Variants in SPICE1 observed in about 807,000 individuals in gnomAD.
SPICE1 encodes spindle and centriole-associated protein 1.
Under a neutral mutation model 102.7 loss-of-function variants are expected in SPICE1, and 75 were observed. The observed-to-expected ratio is 0.73, with a 90% confidence interval of 0.61 to 0.88. The LOEUF (loss-of-function observed/expected upper bound fraction) is 0.88. SPICE1 is among the 40% of genes least tolerant of loss of function. SPICE1 has a pLI of 0.00. For missense variants in SPICE1, 979 were observed against 1,020.1 expected (o/e 0.96, Z 0.55); for synonymous variants, 308 against 350.3 (o/e 0.88, Z 1.35).
At chr3:113,489,100 T>G (rs1936710220) in intron 6 of SPICE1, 37 bp from the exon 7 acceptor site, 2 of 1,312,744 alleles carry the variant, frequency 1.5e-6, no homozygotes, top group Non-Finnish European at 2.2e-6. Flanking sequence ...CACAAGTTGA[T>G]TATATATATA....
chr3:113,450,669 C>T (rs1001423435), intron 14 of SPICE1, among the ~76,000 whole-genome samples, 153 bp from the exon 15 acceptor site: 13 of 151,726 alleles, frequency 8.6e-5, no homozygotes, highest in South Asian at 6.2e-4. Context: ...ATCTGCCTCC[C>T]GGGTTCACGC....
chr3:113,461,884 T>TTTCCCAAATTTC (rs1465179560), intron 11 of SPICE1, among the ~76,000 whole-genome samples: 1 of 152,128 alleles, frequency 6.6e-6, no homozygotes, highest in Admixed American at 6.6e-5. Flanking sequence ...GCCCAAATTT[T>TTTCCCAAATTTC]TTCCCAAATT....
intron 11 of SPICE1, among the ~76,000 whole-genome samples, chr3:113,464,598 C>T (rs1936008978): frequency 6.6e-6 from 1 of 152,066 alleles, no homozygotes; most frequent in South Asian, 2.1e-4. Context: ...CATCTAATGT[C>T]CATTAACACA....
Position 113,453,682 on chromosome 3 carries a change from T to C in SPICE1, c.1926A>G (p.Thr642=). 6.2e-7 allele frequency: 1 copy of C among 1,614,164 alleles called. No individual in the cohort carries two copies. ...CCAGTACTGGGAGCTCTTCTGAGAA[T>C]GTGGGGCTTCTTGACTGTTGAGTGT... ...HSNTQQSRSP[T]FSEELPVLGD... Residue 642 remains threonine, a synonymous_variant, in exon 14 of 18, where the codon ACA becomes ACG. Transcript: ENST00000295872.
chr3:113,500,565 C>G (rs1239278434), intron 3 of SPICE1, among the ~76,000 whole-genome samples: 1 of 150,450 alleles, frequency 6.6e-6, no homozygotes, highest in African/African-American at 2.4e-5. Flanking sequence ...AATATGTAAG[C>G]ACAAAATGAT....
rs768232296 is a variant in SPICE1 at position 113,468,892 on chromosome 3, C to T, written c.759G>A (p.Leu253=). The T allele has an allele frequency of 1.2e-6, 2 of 1,608,266 alleles. No individual in the cohort carries two copies. The highest frequency in any genetic ancestry group is 2.7e-5 in the African/African-American group (2 of 74,522). ...GTCTCTTGACAGCATTGGTAGCATT[C>T]AGAGCAGCTAAAAGGAAGAACATTT... ...ALSSGEQRAA[L]NATNAVKRLQ... is the part of the protein sequence containing the mutation. Residue 253 remains leucine (L), a synonymous_variant, in exon 9 of 18, where the codon CTG becomes CTA. Transcript: ENST00000295872.
intron 7 of SPICE1, among the ~76,000 whole-genome samples, chr3:113,485,879 G>A (rs1936634658): frequency 6.6e-6 from 1 of 152,108 alleles, no homozygotes; most frequent in Admixed American, 6.6e-5. Context: ...ATTATCCTCA[G>A]CAAACCAACA....
intron 7 of SPICE1, among the ~76,000 whole-genome samples, chr3:113,482,704 T>C (rs993267501): frequency 6.6e-6 from 1 of 152,218 alleles, no homozygotes; most frequent in Non-Finnish European, 1.5e-5. Flanking sequence ...TTGTCAAAGG[T>C]CAGATGGTTG....
chr3:113,457,722 G>A (rs958239420), intron 12 of SPICE1, among the ~76,000 whole-genome samples: 4 of 152,040 alleles, frequency 2.6e-5, no homozygotes, highest in Admixed American at 6.6e-5. Flanking sequence ...GCAGTGGAGC[G>A]ATCTTGGCTC....
chr3:113,458,170 CCG>C (rs1232368942), intron 12 of SPICE1, among the ~76,000 whole-genome samples: 3 of 96 alleles, frequency 0.031, no homozygotes, highest in African/African-American at 0.094. Context: ...GCTCCCTCTC[CCG>C]TCTCCCTCTC....
chr3:113,452,396 A>G (rs1935674853), intron 14 of SPICE1, among the ~76,000 whole-genome samples: 1 of 152,216 alleles, frequency 6.6e-6, no homozygotes, highest in Non-Finnish European at 1.5e-5. Flanking sequence ...TTAAAACATT[A>G]TTTCTGGCCA....
intron 7 of SPICE1, among the ~76,000 whole-genome samples, chr3:113,482,550 G>T (rs577972123): frequency 6.6e-6 from 1 of 152,110 alleles, no homozygotes; most frequent in East Asian, 1.9e-4. Flanking sequence ...CAGGTCTTAC[G>T]TTTAACTCTT....
intron 7 of SPICE1, among the ~76,000 whole-genome samples, chr3:113,478,757 A>G (rs1337420027): frequency 6.6e-6 from 1 of 152,138 alleles, no homozygotes; most frequent in Non-Finnish European, 1.5e-5. Context: ...ATCTATGGAT[A>G]TATCTTTAGA....
chr3:113,460,476 G>A (rs1935905577), intron 12 of SPICE1, 141 bp downstream of exon 12: 1 of 1,395,262 alleles, frequency 7.2e-7, no homozygotes, highest in African/African-American at 1.5e-5. Flanking sequence ...TGGAAAAGTA[G>A]TGGCAACTGT....
intron 12 of SPICE1, among the ~76,000 whole-genome samples, chr3:113,458,708 G>A (rs1314303308): frequency 6.6e-6 from 1 of 151,502 alleles, no homozygotes; most frequent in African/African-American, 2.4e-5. Context: ...CTGCCCGGCC[G>A]CCCAGTCTGG....
chr3:113,471,075 G>C (rs969005094), intron 7 of SPICE1, among the ~76,000 whole-genome samples: 1 of 152,150 alleles, frequency 6.6e-6, no homozygotes, highest in African/African-American at 2.4e-5. Context: ...AACTTGAAAT[G>C]AAGCTGAAAA....
chr3:113,452,653 C>T (rs1047608496), intron 14 of SPICE1, among the ~76,000 whole-genome samples: 2 of 151,184 alleles, frequency 1.3e-5, no homozygotes, highest in Admixed American at 1.3e-4. Context: ...CACTGCGCTC[C>T]AGCCTGAGCA....
chr3:113,445,253 G>A lies in SPICE1; in HGVS notation c.*54C>T, dbSNP rs918911043. The A allele has an allele frequency of 5.5e-6, 8 of 1,449,236 alleles. No homozygotes were observed. Among genetic ancestry groups the A allele is most frequent in the Non-Finnish European group, 6.7e-6 (7 of 1,040,090 alleles). 89.8% of individuals were successfully genotyped at this position (1,449,236 alleles called of 1,614,324 possible). A position where few individuals can be genotyped will look rare whatever the true frequency, so the allele number is the denominator to read the frequency against. On this transcript the variant is annotated 3_prime_UTR_variant, in exon 18 of 18. Coordinates refer to ENST00000295872, the MANE Select transcript of SPICE1 (RefSeq NM_144718.4). ...ATATAAAAACTTAAAAGTCAGAGCAGGGAAAGGGAAGTAATAAATTATTAA... is the reference window on the plus strand; with the variant it reads ...ATATAAAAACTTAAAAGTCAGAGCAAGGAAAGGGAAGTAATAAATTATTAA...
At position 113,504,081 on chromosome 3, in the gene SPICE1, A is replaced by C. The variant is rs182027598; in HGVS notation, c.100-854T>G. ...CATAAAATGTAAAAACAGTCAGTTA[A>C]ATTAAAAGGCACTAAACTATCATGG... On this transcript the variant is annotated intron_variant, in intron 2 of 17. Transcript: ENST00000295872. Among the ~76,000 whole-genome samples the C allele has an allele frequency of 4.5e-3, 692 of 152,296 alleles. 4 individuals are homozygous for C. The highest frequency in any genetic ancestry group is 8.2e-3 in the Non-Finnish European group (556 of 68,024).
Sources: allele counts gnomAD v4.1 joint callset (sites outside exome capture counted in the v4.1 genomes callset), GRCh38; gene constraint gnomAD v4.1.1; transcripts MANE v1.5; gene names NCBI Gene and HGNC (gene_info 2026-07-23, HGNC 2026-07-21).